PHF11: variants seen among roughly 807,000 people sequenced by gnomAD.
PHF11 encodes the protein BRCA1 C-terminus-associated protein.
Under a neutral mutation model 40.5 loss-of-function variants are expected in PHF11, and 38 were observed. The observed-to-expected ratio is 0.94, with a 90% CI of 0.72 to 1.23. The LOEUF (loss-of-function observed/expected upper bound fraction) is 1.23, where lower values mean the gene tolerates loss of function less well. Ranked by LOEUF, PHF11 falls within the 50% of genes most tolerant of loss-of-function variation. The pLI is 0.00. For missense variants in PHF11, 369 were observed against 392.4 expected (o/e 0.94, Z 0.50); for synonymous variants, 127 against 138.2 (o/e 0.92, Z 0.57).
chr13:49,516,421 G>T (rs1049822595), intron 3 of PHF11, among the ~76,000 whole-genome samples: 3 of 150,504 alleles, frequency 2.0e-5, no homozygotes, highest in Middle Eastern at 6.3e-3. Context: ...TTAGCCATTT[G>T]TATTTTTTCT....
At chr13:49,526,911 G>A (rs908168348) in intron 9 of PHF11, among the ~76,000 whole-genome samples, 8 of 152,102 alleles carry the variant, frequency 5.3e-5, no homozygotes, top group Non-Finnish European at 1.2e-4. Flanking sequence ...GCTCTTGGGT[G>A]GCGAGGCTAT....
At chr13:49,508,622 T>A (rs1193875714) in intron 2 of PHF11, among the ~76,000 whole-genome samples, 1 of 151,910 alleles carries the variant, frequency 6.6e-6, no homozygotes, top group African/African-American at 2.4e-5. Flanking sequence ...TTTATTTTTA[T>A]TTATTGATCT....
At chr13:49,527,389 G>A (rs1008945761) in intron 9 of PHF11, 1 of 152,160 alleles carries the variant, frequency 6.6e-6, no homozygotes, top group Admixed American at 6.5e-5. Context: ...TTCCACAGAT[G>A]CATCTGTCTC....
intron 8 of PHF11, 44 bp downstream of exon 8, chr13:49,524,260 A>C (rs772932802): frequency 2.8e-5 from 41 of 1,460,468 alleles, no homozygotes; most frequent in Non-Finnish European, 3.5e-5. Context: ...GACTTCTCCC[A>C]GATCTAGATT....
chr13:49,500,264 G>A (rs1299489326), intron 1 of PHF11, among the ~76,000 whole-genome samples: 1 of 152,166 alleles, frequency 6.6e-6, no homozygotes, highest in Non-Finnish European at 1.5e-5. Context: ...AAGCCCTGCT[G>A]ACTATTCTTG....
intron 8 of PHF11, 74 bp downstream of exon 8, chr13:49,524,290 G>C: frequency 1.9e-4 from 152 of 805,094 alleles, no homozygotes; most frequent in African/African-American, 1.6e-4. Flanking sequence ...ACAAACCCAA[G>C]AAAAAAAAAA....
intron 2 of PHF11, among the ~76,000 whole-genome samples, chr13:49,509,967 C>T (rs150392473): frequency 3.5e-4 from 54 of 152,212 alleles, no homozygotes; most frequent in African/African-American, 1.3e-3. Context: ...ATACTACTAC[C>T]GTCTATTCCT....
At chr13:49,521,098 T>C in intron 5 of PHF11, 158 bp downstream of exon 5, 1 of 1,365,368 alleles carries the variant, frequency 7.3e-7, no homozygotes, top group South Asian at 1.9e-5. Context: ...TTGTGTACTA[T>C]GTGATATGAC....
intron 2 of PHF11, 73 bp from the exon 3 acceptor site, chr13:49,512,986 T>C: frequency 5.3e-6 from 4 of 759,846 alleles, no homozygotes; most frequent in South Asian, 3.4e-5. Context: ...TTTCCACTTT[T>C]GGTATGATTT....
At chr13:49,503,354 C>A (rs1380294082) in intron 1 of PHF11, among the ~76,000 whole-genome samples, 1 of 152,206 alleles carries the variant, frequency 6.6e-6, no homozygotes, top group African/African-American at 2.4e-5. Flanking sequence ...TATTGGAATT[C>A]CCACTCACTT....
rs1340097143 is a variant in PHF11, at chr13:49,523,185, C to A, written c.581C>A (p.Thr194Lys). Residue 194 changes from threonine (T) to lysine (K), a missense_variant, in exon 7 of 10, where the codon ACA (threonine) becomes AAA (lysine). Physicochemically the swap from Thr to Lys is moderately conservative, Grantham distance 78. Transcript: ENST00000378319. ...GATTTTCTCTCCTAGCCACCCGAAACAATGAAATGTAATACATTCATAAGA... is the reference window on the plus strand; with the variant it reads ...GATTTTCTCTCCTAGCCACCCGAAAAAATGAAATGTAATACATTCATAAGA... ...LSGNHVQPPE[T>K]MKCNTFIRQV... 4 of 1,608,668 alleles carry A rather than the reference C, an allele frequency of 2.5e-6. No individual in the cohort carries two copies. The highest frequency in any genetic ancestry group is 3.4e-6 in the Non-Finnish European group (4 of 1,175,086).
At chr13:49,521,930 C>T (rs962933417) in intron 5 of PHF11, 113 bp from the exon 6 acceptor site, 1 of 539,522 alleles carries the variant, frequency 1.9e-6, no homozygotes. Flanking sequence ...TTGAAGTTTG[C>T]CATATCTTTT....
intron 2 of PHF11, among the ~76,000 whole-genome samples, chr13:49,507,147 T>C (rs1959012412): frequency 6.6e-6 from 1 of 152,000 alleles, no homozygotes; most frequent in African/African-American, 2.4e-5. Flanking sequence ...CCTCGTGATC[T>C]GCCCACCTCG....
chr13:49,506,490 T>C, intron 1 of PHF11, 145 bp from the exon 2 acceptor site: 1 of 703,032 alleles, frequency 1.4e-6, no homozygotes, highest in Non-Finnish European at 2.5e-6. Flanking sequence ...GCTTTTTCAC[T>C]TGGGTCCCCA....
At chr13:49,528,160 AATT>A (rs1443230517) in intron 9 of PHF11, among the ~76,000 whole-genome samples, 2 of 152,210 alleles carry the variant, frequency 1.3e-5, no homozygotes, top group Non-Finnish European at 1.5e-5. Flanking sequence ...CACATTCTCC[AATT>A]ATCATCTCTC....
At chr13:49,508,067 A>G (rs2139043990) in intron 2 of PHF11, among the ~76,000 whole-genome samples, 1 of 149,632 alleles carries the variant, frequency 6.7e-6, no homozygotes, top group East Asian at 1.9e-4. Flanking sequence ...AAATAGACAC[A>G]TTCATATATT....
Position 49,503,624 on chromosome 13 carries a change from A to G in PHF11, c.95-3011A>G, listed in dbSNP as rs1958938589. Among the ~76,000 whole-genome samples, 4 of 152,228 alleles carry G rather than the reference A, an allele frequency of 2.6e-5. No individual in the cohort carries two copies. In the South Asian group the frequency reaches 8.3e-4, roughly 32 times the overall value. On this transcript the variant is annotated intron_variant, in intron 1 of 9. Coordinates refer to ENST00000378319, the MANE Select transcript of PHF11 (RefSeq NM_001040443.3). ...TCAAAGACTCTGTACAAAAGAATGA[A>G]TAACTTTTATATTGACTAAATGTTG...
At chr13:49,514,277 T>C (rs1237696169) in intron 3 of PHF11, among the ~76,000 whole-genome samples, 1 of 152,212 alleles carries the variant, frequency 6.6e-6, no homozygotes, top group East Asian at 1.9e-4. Context: ...CATCCTGTGG[T>C]AGGTGTGTTA....
At chr13:49,509,607 G>C (rs1052189943) in intron 2 of PHF11, among the ~76,000 whole-genome samples, 1 of 152,176 alleles carries the variant, frequency 6.6e-6, no homozygotes, top group African/African-American at 2.4e-5. Flanking sequence ...TGTCAAGGGT[G>C]GAGCCAGGTG....
Sources: gnomAD v4.1 joint callset for allele counts (sites outside exome capture counted in the v4.1 genomes callset) on GRCh38, gnomAD v4.1.1 for gene constraint, MANE v1.5 for transcripts, NCBI Gene and HGNC (gene_info 2026-07-23, HGNC 2026-07-21) for gene names.